OR11A1: variants seen among roughly 807,000 people sequenced by gnomAD.
OR11A1 encodes the protein olfactory receptor 11A1.
For missense variants in OR11A1, 380 were observed against 378.2 expected (o/e 1.00, Z -0.04); for synonymous variants, 158 against 152.2 (o/e 1.04, Z -0.28).
chr6:29,437,899 G>A lies in OR11A1; in HGVS notation c.-388-5912C>T, dbSNP rs1582560679. 2.0e-5 allele frequency among the ~76,000 whole-genome samples: 3 copies of A among 152,280 alleles called. No individual in the cohort carries two copies. The East Asian group carries it at 5.8e-4, about 29-fold the overall frequency. ...CAGATTCCTGAGGAATTCTGGATCA[G>A]AGCAGCCATATTTCCCTGAACTACA... On this transcript the variant is annotated intron_variant, in intron 1 of 4. Coordinates refer to ENST00000377149, the MANE Select transcript of OR11A1 (RefSeq NM_001394828.1).
intron 1 of OR11A1, among the ~76,000 whole-genome samples, chr6:29,438,364 C>T (rs1783810282): frequency 6.6e-6 from 1 of 152,106 alleles, no homozygotes; most frequent in Admixed American, 6.5e-5. Flanking sequence ...TAGGTCAAAA[C>T]ATGTTTATTT....
intron 1 of OR11A1, among the ~76,000 whole-genome samples, chr6:29,446,809 C>A (rs755398081): frequency 6.6e-6 from 1 of 152,182 alleles, no homozygotes; most frequent in Non-Finnish European, 1.5e-5. Flanking sequence ...ATACTGACTT[C>A]TCAGGAGGCT....
intron 1 of OR11A1, among the ~76,000 whole-genome samples, chr6:29,452,541 G>A (rs1785536306): frequency 1.3e-5 from 2 of 151,966 alleles, no homozygotes; most frequent in Admixed American, 6.5e-5. Context: ...TGCATAATAA[G>A]GAATAACAAT....
chr6:29,456,150 A>T (rs1786183561), intron 1 of OR11A1, among the ~76,000 whole-genome samples: 1 of 151,740 alleles, frequency 6.6e-6, no homozygotes, highest in South Asian at 2.1e-4. Context: ...GAATCACTTG[A>T]ACCTGGGAGG....
intron 1 of OR11A1, among the ~76,000 whole-genome samples, chr6:29,447,250 A>C (rs1419174674): frequency 6.6e-6 from 1 of 152,198 alleles, no homozygotes; most frequent in Non-Finnish European, 1.5e-5. Context: ...AAGGGTAAAA[A>C]TACTGCCCTA....
In OR11A1 at chr6:29,441,096, C is replaced by T. The variant is rs1582576909; in HGVS notation, c.-388-9109G>A. ...GACAAACTTATCTTTGAAAAGCTAC[C>T]GTAGTCAAATGCGCTCCTCAGACCC... is the stretch of plus-strand genomic sequence containing the variant. On this transcript the variant is annotated intron_variant, in intron 1 of 4. Coordinates refer to ENST00000377149, the MANE Select transcript of OR11A1 (RefSeq NM_001394828.1). 4 of 615,416 alleles carry T rather than the reference C, an allele frequency of 6.5e-6. No homozygotes were observed. In the East Asian group the frequency reaches 8.2e-5, roughly 13 times the overall value. 38.1% of individuals were successfully genotyped at this position (615,416 alleles called of 1,614,324 possible).
chr6:29,431,860 G>A lies in OR11A1; in HGVS notation c.-265+4C>T, dbSNP rs1260700941. The A allele has an allele frequency of 4.1e-6, 4 of 985,100 alleles. No homozygotes were observed. The highest frequency in any genetic ancestry group is 4.7e-5 in the South Asian group (1 of 21,276). 61.0% of individuals were successfully genotyped at this position (985,100 alleles called of 1,614,324 possible). ...TGTAAAGAATTTTACAAAAATAAAC[G>A]TACCCGAAATATCGACCCTGTTCTC... On this transcript the variant is annotated splice_donor_region_variant and intron_variant, in intron 2 of 4. Coordinates refer to ENST00000377149, the MANE Select transcript of OR11A1 (RefSeq NM_001394828.1).
rs1782940182 is a variant in OR11A1 at position 29,427,651 on chromosome 6, C to T, written c.-10G>A. The T allele has an allele frequency of 6.3e-7, 1 of 1,595,686 alleles. No homozygotes were observed. The highest frequency in any genetic ancestry group is 1.3e-5 in the African/African-American group (1 of 74,326). On this transcript the variant is annotated 5_prime_UTR_variant, in exon 5 of 5. Transcript: ENST00000377149. Reference sequence around the variant, plus strand: ...TGGAGACAATTTCCATGTCGATCGTCCAAGTTTCTGCTTGGCAATAATTGG... The same window carrying T: ...TGGAGACAATTTCCATGTCGATCGTTCAAGTTTCTGCTTGGCAATAATTGG...
chr6:29,455,343 T>C (rs1232350206), intron 1 of OR11A1, among the ~76,000 whole-genome samples: 1 of 152,088 alleles, frequency 6.6e-6, no homozygotes, highest in Admixed American at 6.5e-5. Context: ...TATGGACAAA[T>C]GACTTGAACA....
At chr6:29,447,035 T>C (rs1236802344) in intron 1 of OR11A1, among the ~76,000 whole-genome samples, 3 of 152,326 alleles carry the variant, frequency 2.0e-5, no homozygotes, top group Admixed American at 1.3e-4. Flanking sequence ...CGAGAATATT[T>C]TACCTAATAA....
At chr6:29,450,647 A>G (rs1785264533) in intron 1 of OR11A1, 1 of 152,176 alleles carries the variant, frequency 6.6e-6, no homozygotes, top group South Asian at 2.1e-4. Flanking sequence ...GCAGCTAGAC[A>G]GAGAGATGAA....
At chr6:29,440,756 C>A (rs756537824) in intron 1 of OR11A1, 18 of 1,614,068 alleles carry the variant, frequency 1.1e-5, no homozygotes, top group Non-Finnish European at 1.5e-5. Flanking sequence ...TGATCATGGT[C>A]TCCCTCTTCT....
At position 29,426,823 on chromosome 6, in the gene OR11A1, C is replaced by G. The variant is rs1582527602; in HGVS notation, c.819G>C (p.Lys273Asn). 4 of 1,612,940 alleles carry G rather than the reference C, an allele frequency of 2.5e-6. No homozygotes were observed. The South Asian group carries it at 4.4e-5, about 18-fold the overall frequency. The change falls in exon 5 of 5, where the codon AAG becomes AAC. Residue 273 changes from lysine (K) to asparagine (N), a missense_variant. Physicochemically the swap from Lys to Asn is moderately conservative, Grantham distance 94. Coordinates refer to ENST00000377149, the MANE Select transcript of OR11A1 (RefSeq NM_001394828.1). ...CCACAGTGTAGAGCAGGGAGAAGAC[C>G]TTGGAGAGGAGCTGGGAATGGACAG... ...PSAVHSQLLS[K>N]VFSLLYTVVT...
chr6:29,444,416 G>T (rs964879406), intron 1 of OR11A1, among the ~76,000 whole-genome samples: 3 of 152,180 alleles, frequency 2.0e-5, no homozygotes, highest in African/African-American at 7.2e-5. Flanking sequence ...CATGGGTTGT[G>T]ATCTCTACTC....
At chr6:29,444,289 C>G (rs1027669697) in intron 1 of OR11A1, among the ~76,000 whole-genome samples, 1 of 152,206 alleles carries the variant, frequency 6.6e-6, no homozygotes, top group Admixed American at 6.5e-5. Context: ...GAGGCCTCCC[C>G]AGTCATGTGG....
chr6:29,431,880 G>A lies in OR11A1; in HGVS notation c.-281C>T. 1.0e-6 allele frequency: 1 copy of A among 985,338 alleles called. No individual in the cohort carries two copies. Among genetic ancestry groups the A allele is most frequent in the Non-Finnish European group, 1.2e-6 (1 of 829,874 alleles). The allele number at this position is 985,338 out of a possible 1,614,324, so 61.0% of individuals were successfully genotyped here. On this transcript the variant is annotated 5_prime_UTR_variant, in exon 2 of 5. Transcript: ENST00000377149. Reference sequence around the variant, plus strand: ...TAAACGTACCCGAAATATCGACCCTGTTCTCTAAAGACAGGACTGTGAGGA... The same window carrying A: ...TAAACGTACCCGAAATATCGACCCTATTCTCTAAAGACAGGACTGTGAGGA...
At chr6:29,451,271 C>A (rs1372083953) in intron 1 of OR11A1, among the ~76,000 whole-genome samples, 2 of 152,090 alleles carry the variant, frequency 1.3e-5, no homozygotes, top group East Asian at 3.8e-4. Context: ...CCAGCAAATA[C>A]CATTCTGTAC....
At chr6:29,433,159 C>G (rs1317739376) in intron 1 of OR11A1, among the ~76,000 whole-genome samples, 1 of 152,042 alleles carries the variant, frequency 6.6e-6, no homozygotes, top group African/African-American at 2.4e-5. Flanking sequence ...TTACATGAAC[C>G]ATTACCTCAC....
chr6:29,443,064 A>T (rs1784364747), intron 1 of OR11A1, among the ~76,000 whole-genome samples: 1 of 152,230 alleles, frequency 6.6e-6, no homozygotes, highest in African/African-American at 2.4e-5. Flanking sequence ...TATCTCAGTG[A>T]TAGGAATCAC....
Sources: allele counts gnomAD v4.1 joint callset (sites outside exome capture counted in the v4.1 genomes callset), GRCh38; gene constraint gnomAD v4.1.1; transcripts MANE v1.5; gene names NCBI Gene and HGNC (gene_info 2026-07-23, HGNC 2026-07-21).